The following SMARCB1 variants were observed in gnomAD, a reference collection of about 807,000 sequenced individuals.
The protein encoded by SMARCB1 is SWI/SNF related BAF chromatin remodeling complex subunit B1, also known as SWI/SNF-related matrix-associated actin-dependent regulator of chromatin subfamily B member 1.
SMARCB1 carries 5 observed loss-of-function variants against 49.0 expected under a neutral mutation model. The observed-to-expected ratio is 0.10, with a 90% confidence interval of 0.05 to 0.21. The LOEUF (loss-of-function observed/expected upper bound fraction) is 0.21, where lower values mean the gene tolerates loss of function less well. Ranked by LOEUF, SMARCB1 falls within the 10% of genes least tolerant of loss-of-function variation. The pLI is 1.00. For missense variants in SMARCB1, 226 were observed against 509.2 expected (o/e 0.44, Z 5.35); for synonymous variants, 201 against 200.1 (o/e 1.00, Z -0.04).
At chr22:23,817,245 C>T in intron 6 of SMARCB1, 1 of 519,780 alleles carries the variant, frequency 1.9e-6, no homozygotes, top group Non-Finnish European at 3.5e-6. Flanking sequence ...CTGAGTGCTC[C>T]AGGGGGGCCT....
chr22:23,802,898 G>A (rs1929257791), intron 4 of SMARCB1: 2 of 356,648 alleles, frequency 5.6e-6, no homozygotes, highest in Middle Eastern at 2.0e-3. Flanking sequence ...CTGTTTGTAC[G>A]TCCTCAGCAG....
At chr22:23,797,878 C>G (rs896484467) in intron 3 of SMARCB1, among the ~76,000 whole-genome samples, 2 of 152,134 alleles carry the variant, frequency 1.3e-5, no homozygotes, top group Non-Finnish European at 2.9e-5. Flanking sequence ...CTCGGCCTCC[C>G]AAAGTGTCGG....
chr22:23,834,766 T>C lies in SMARCB1; in HGVS notation c.*586T>C. On this transcript the variant is annotated 3_prime_UTR_variant, in exon 9 of 9. Transcript: ENST00000644036. ...GAGCTGAGAAGAGTAGCTGTGAGGC[T>C]CAGGGCAAGAGGCTCTCTGCCTTTC... The C allele has an allele frequency of 1.4e-6, 2 of 1,424,860 alleles. No homozygotes were observed. Among genetic ancestry groups the C allele is most frequent in the Admixed American group, 2.4e-5 (1 of 41,076 alleles). 88.3% of individuals were successfully genotyped at this position (1,424,860 alleles called of 1,614,324 possible).
At chr22:23,804,032 A>G (rs1048341484) in intron 5 of SMARCB1, 3 of 153,350 alleles carry the variant, frequency 2.0e-5, no homozygotes, top group African/African-American at 4.8e-5. Context: ...TGTTTTCTCT[A>G]TTTTTAAGTC....
At chr22:23,793,269 T>C in intron 2 of SMARCB1, 1 of 477,338 alleles carries the variant, frequency 2.1e-6, no homozygotes, top group Admixed American at 3.3e-5. Context: ...TCGTGCTGTA[T>C]TGTAGTTGCT....
chr22:23,827,274 G>C (rs2030432529), intron 7 of SMARCB1, among the ~76,000 whole-genome samples: 1 of 152,212 alleles, frequency 6.6e-6, no homozygotes, highest in Non-Finnish European at 1.5e-5. Context: ...CCACAGTCCA[G>C]GGTCAGGAAC....
chr22:23,812,239 T>TGAGGCCAGGAGTTC (rs1165999074), intron 5 of SMARCB1, among the ~76,000 whole-genome samples: 2 of 152,188 alleles, frequency 1.3e-5, no homozygotes, highest in African/African-American at 4.8e-5. Flanking sequence ...GAGGATTACT[T>TGAGGCCAGGAGTTC]GAGGCCAGGA....
At chr22:23,819,385 C>T (rs1440187629) in intron 6 of SMARCB1, among the ~76,000 whole-genome samples, 1 of 152,126 alleles carries the variant, frequency 6.6e-6, no homozygotes, top group Non-Finnish European at 1.5e-5. Flanking sequence ...GGCTGGAGTG[C>T]AGTGGCGCGA....
In SMARCB1 at chr22:23,803,151, T is replaced by C. The variant is rs1230429845; in HGVS notation, c.501-144T>C. The C allele has an allele frequency of 9.5e-5, 103 of 1,083,002 alleles. 1 individual carries two copies. The South Asian group carries it at 1.3e-3, about 13-fold the overall frequency. 67.1% of individuals were successfully genotyped at this position (1,083,002 alleles called of 1,614,324 possible). On this transcript the variant is annotated intron_variant, in intron 4 of 8. Transcript: ENST00000644036. ...GGCCCCGGGACCCCTGCTAGCCTCG[T>C]CTGCTGCCTCAGCTGTTAGCTGACA...
intron 4 of SMARCB1, chr22:23,802,879 C>G (rs1929256048): frequency 1.5e-5 from 5 of 344,550 alleles, no homozygotes; most frequent in South Asian, 1.2e-4. Flanking sequence ...GGAATCTGTG[C>G]TCTGTGGTCT....
At chr22:23,796,013 G>T (rs574889935) in intron 3 of SMARCB1, among the ~76,000 whole-genome samples, 2 of 151,834 alleles carry the variant, frequency 1.3e-5, no homozygotes, top group Non-Finnish European at 2.9e-5. Context: ...GGCTGGTCTC[G>T]AACTCCTGAC....
Position 23,836,860 on chromosome 22 carries a change from G to A in SMARCB1, c.*2680G>A. The stretch of plus-strand genomic sequence containing the variant: ...CCAGAAGCCTCTTAGGCCTGGCCCT[G>A]GGTGGGGGTCACTGCTGCGGGGGTG... On this transcript the variant is annotated 3_prime_UTR_variant, in exon 9 of 9. Transcript: ENST00000644036. 1.4e-6 allele frequency: 2 copies of A among 1,459,360 alleles called. No homozygotes were observed. The highest frequency in any genetic ancestry group is 1.5e-5 in the South Asian group (1 of 67,752). 90.4% of individuals were successfully genotyped at this position (1,459,360 alleles called of 1,614,324 possible).
In SMARCB1 at chr22:23,837,100, G is replaced by A. The variant is rs2031118783; in HGVS notation, c.*2920G>A. The A allele has an allele frequency of 1.9e-6, 3 of 1,614,026 alleles. No individual in the cohort carries two copies. Among genetic ancestry groups the A allele is most frequent in the Non-Finnish European group, 2.5e-6 (3 of 1,179,932 alleles). On this transcript the variant is annotated 3_prime_UTR_variant, in exon 9 of 9. Transcript: ENST00000644036. The stretch of plus-strand genomic sequence containing the variant: ...GGTCTGCAGGAGCCTCTTGCCTCCA[G>A]GCTGGTTGGGGAAGACGTCCTCCAG...
At chr22:23,824,839 A>C (rs529901012) in intron 6 of SMARCB1, 1 of 332,178 alleles carries the variant, frequency 3.0e-6, no homozygotes, top group Admixed American at 4.1e-5. Context: ...GGGCTTAGGG[A>C]TGCCTTAGCT....
At chr22:23,826,425 CA>C (rs5844570) in intron 7 of SMARCB1, among the ~76,000 whole-genome samples, 16,438 of 110,500 alleles carry the variant, frequency 0.15, 961 homozygotes, top group South Asian at 0.3. Flanking sequence ...ACCCTGTCTC[CA>C]AAAAAAAAAA....
Position 23,801,311 on chromosome 22 carries a change from G to A in SMARCB1, c.500+230G>A, listed in dbSNP as rs1358511920. 6.8e-6 allele frequency: 5 copies of A among 732,356 alleles called. No individual in the cohort carries two copies. In the African/African-American group the frequency reaches 8.7e-5, roughly 13 times the overall value. The allele number at this position is 732,356 out of a possible 1,614,324, so 45.4% of individuals were successfully genotyped here. A position where few individuals can be genotyped will look rare whatever the true frequency, so the allele number is the denominator to read the frequency against. On this transcript the variant is annotated intron_variant, in intron 4 of 8. Coordinates refer to ENST00000644036, the MANE Select transcript of SMARCB1 (RefSeq NM_003073.5). ...CTTGCCATGTCCTCCTCACCTCTCT[G>A]GCCCCTCAAGTGGAGTTACTCAGGG...
rs1280696963 is a variant in SMARCB1, at chr22:23,816,828, C to T, written c.687C>T (p.Asn229=). 1.2e-6 allele frequency: 2 copies of T among 1,613,874 alleles called. No individual in the cohort carries two copies. Among genetic ancestry groups the T allele is most frequent in the East Asian group, 4.5e-5 (2 of 44,902 alleles). ...TCCTCTGTGACGATCTGGATTTGAACCCGCTGACGTTTGTGCCAGCCATCG... is the reference window on the plus strand; with the variant it reads ...TCCTCTGTGACGATCTGGATTTGAATCCGCTGACGTTTGTGCCAGCCATCG... The part of the protein sequence containing the change: ...SEILCDDLDL[N]PLTFVPAIAS... The change falls in exon 6 of 9, where the codon AAC becomes AAT. Residue 229 remains asparagine (N), a synonymous_variant. Coordinates refer to ENST00000644036, the MANE Select transcript of SMARCB1 (RefSeq NM_003073.5).
At chr22:23,825,491 G>A (rs1191454334) in intron 7 of SMARCB1, 76 bp downstream of exon 7, 68 of 1,328,208 alleles carry the variant, frequency 5.1e-5, no homozygotes, top group Middle Eastern at 4.8e-4. Flanking sequence ...CTGTGTGAGC[G>A]GTGATACCTT....
intron 5 of SMARCB1, among the ~76,000 whole-genome samples, chr22:23,808,698 CTTTTT>C (rs533109746): frequency 7.1e-6 from 1 of 140,686 alleles, no homozygotes; most frequent in Admixed American, 7.1e-5. Context: ...ATTGGACATT[CTTTTT>C]TTTTTTTTTT....
Sources: gnomAD v4.1 joint callset for allele counts (sites outside exome capture counted in the v4.1 genomes callset) on GRCh38, gnomAD v4.1.1 for gene constraint, MANE v1.5 for transcripts, NCBI Gene and HGNC (gene_info 2026-07-23, HGNC 2026-07-21) for gene names.